ATP2B4: variants seen among roughly 807,000 people sequenced by gnomAD.
The protein encoded by ATP2B4 is ATPase plasma membrane Ca2+ transporting 4.
A neutral mutation model predicts 110.3 loss-of-function variants in ATP2B4; 39 were observed. The observed-to-expected ratio is 0.35, with a 90% CI of 0.27 to 0.46. ATP2B4 has a LOEUF of 0.46. ATP2B4 is among the 20% of genes least tolerant of loss of function. The pLI is 1.00. For missense variants in ATP2B4, 1,135 were observed against 1,530.9 expected (o/e 0.74, Z 4.32); for synonymous variants, 538 against 571.7 (o/e 0.94, Z 0.84).
Position 203,679,087 on chromosome 1 carries a change from A to G in ATP2B4, c.-464-3655A>G, listed in dbSNP as rs1212302254. Among the ~76,000 whole-genome samples, 6 of 151,974 alleles carry G rather than the reference A, an allele frequency of 3.9e-5. No homozygotes were observed. The East Asian group carries it at 1.2e-3, about 29-fold the overall frequency. On this transcript the variant is annotated intron_variant, in intron 1 of 20. Coordinates refer to ENST00000357681, the MANE Select transcript of ATP2B4 (RefSeq NM_001684.5). ...ATCTCTTAGGCTTGCAAAATATTAG[A>G]AAAGAGGAGGGAGCACATACCTTAC...
intron 1 of ATP2B4, among the ~76,000 whole-genome samples, chr1:203,650,438 G>GC (rs1409164899): frequency 6.6e-6 from 1 of 152,174 alleles, no homozygotes; most frequent in Non-Finnish European, 1.5e-5. Context: ...TGAGTCATCG[G>GC]CCCCCTCTGA....
intron 19 of ATP2B4, among the ~76,000 whole-genome samples, chr1:203,725,909 T>TTTTC (rs1666498658): frequency 2.2e-5 from 3 of 138,328 alleles, no homozygotes; most frequent in Non-Finnish European, 4.6e-5. Flanking sequence ...CTTTTCTTTT[T>TTTTC]TTTTTTTTTT....
At chr1:203,705,530 T>C (rs1020772736) in intron 8 of ATP2B4, among the ~76,000 whole-genome samples, 2 of 152,208 alleles carry the variant, frequency 1.3e-5, no homozygotes, top group East Asian at 3.9e-4. Context: ...GGATTACAGA[T>C]GTGCATCACC....
At position 203,652,594 on chromosome 1, in the gene ATP2B4, G is replaced by A. The variant is rs76218905; in HGVS notation, c.-465+25375G>A. Among the ~76,000 whole-genome samples the A allele has an allele frequency of 2.8e-3, 428 of 152,122 alleles. 1 individual carries two copies. Among genetic ancestry groups the A allele is most frequent in the African/African-American group, 9.8e-3 (406 of 41,494 alleles). On this transcript the variant is annotated intron_variant, in intron 1 of 20. Transcript: ENST00000357681. ...CCCTGTGTTGAGCAAGTCTGTTGAC[G>A]CCATTTTTCTATCAGCATGTGCTCA...
In ATP2B4 at chr1:203,707,272, G is replaced by T. The variant is rs750094348; in HGVS notation, c.1314+49G>T. ...CTTCCTTTAGGATAGAGATGGGAGA[G>T]AAGGGTACCATGTAACCTTTAGTGA... On this transcript the variant is annotated intron_variant, in intron 9 of 20. Transcript: ENST00000357681. 2.6e-6 allele frequency: 4 copies of T among 1,540,338 alleles called. No individual in the cohort carries two copies. In the South Asian group the frequency reaches 4.6e-5, roughly 18 times the overall value.
intron 1 of ATP2B4, among the ~76,000 whole-genome samples, chr1:203,654,307 A>G (rs1161478482): frequency 1.3e-5 from 2 of 152,120 alleles, no homozygotes; most frequent in Non-Finnish European, 2.9e-5. Context: ...TTTTAAGCCC[A>G]CTGTTGAAAC....
intron 15 of ATP2B4, among the ~76,000 whole-genome samples, 187 bp downstream of exon 15, chr1:203,714,464 G>C (rs1666103165): frequency 6.6e-6 from 1 of 152,126 alleles, no homozygotes. Flanking sequence ...CAAGTATGAA[G>C]AATAGATAAG....
chr1:203,628,901 G>A (rs975956368), intron 1 of ATP2B4, among the ~76,000 whole-genome samples: 2 of 152,150 alleles, frequency 1.3e-5, no homozygotes, highest in Admixed American at 1.3e-4. Flanking sequence ...CTCTGGGAGG[G>A]GCAGGAAGGA....
chr1:203,672,190 G>A (rs962974413), intron 1 of ATP2B4, among the ~76,000 whole-genome samples: 1 of 152,156 alleles, frequency 6.6e-6, no homozygotes, highest in Admixed American at 6.5e-5. Context: ...GGCCTGCATG[G>A]CCAGAGGCCG....
At position 203,683,244 on chromosome 1, in the gene ATP2B4, G is replaced by A. The variant is rs764586158; in HGVS notation, c.39G>A (p.Ser13=). 71 of 1,614,022 alleles carry A rather than the reference G, an allele frequency of 4.4e-5. No homozygotes were observed. In the Admixed American group the frequency reaches 1.1e-3, roughly 25 times the overall value. The change falls in exon 2 of 21, where the codon TCG becomes TCA. Residue 13 remains serine (S), a synonymous_variant. Transcript: ENST00000357681. ...NPSDRVLPAN[S]MAESREGDFG... is the part of the protein sequence containing the mutation. ...CAGACCGTGTCTTGCCTGCCAACTC[G>A]ATGGCCGAGAGCCGTGAAGGGGACT...
chr1:203,696,079 C>A (rs1665524120), intron 2 of ATP2B4, among the ~76,000 whole-genome samples: 1 of 152,144 alleles, frequency 6.6e-6, no homozygotes. Context: ...CATGCGCCAC[C>A]ACACCCAGCT....
intron 1 of ATP2B4, among the ~76,000 whole-genome samples, chr1:203,631,314 C>T (rs1048275633): frequency 3.3e-5 from 5 of 152,244 alleles, no homozygotes; most frequent in African/African-American, 9.6e-5. Context: ...CATTACTCAC[C>T]TCTGCTCTAG....
intron 20 of ATP2B4, among the ~76,000 whole-genome samples, chr1:203,737,780 G>A (rs1251763845): frequency 6.6e-6 from 1 of 152,196 alleles, no homozygotes; most frequent in Non-Finnish European, 1.5e-5. Flanking sequence ...GTGGCAAGGA[G>A]TCCTTTGCCT....
At chr1:203,638,049 C>T (rs894085386) in intron 1 of ATP2B4, among the ~76,000 whole-genome samples, 1 of 151,356 alleles carries the variant, frequency 6.6e-6, no homozygotes, top group East Asian at 1.9e-4. Flanking sequence ...TGGCAGGGCT[C>T]AACTGGAAAT....
intron 1 of ATP2B4, among the ~76,000 whole-genome samples, chr1:203,648,529 A>G (rs1044738096): frequency 6.6e-6 from 1 of 152,144 alleles, no homozygotes; most frequent in Non-Finnish European, 1.5e-5. Context: ...TGGAGGTTGT[A>G]CCAACTGACT....
intron 15 of ATP2B4, among the ~76,000 whole-genome samples, chr1:203,715,113 C>T (rs1486294574): frequency 1.3e-5 from 2 of 151,958 alleles, no homozygotes; most frequent in Non-Finnish European, 2.9e-5. Context: ...GTAATTTCAT[C>T]CTTAAAAATT....
At chr1:203,668,318 C>G (rs1448545275) in intron 1 of ATP2B4, among the ~76,000 whole-genome samples, 1 of 152,122 alleles carries the variant, frequency 6.6e-6, no homozygotes, top group African/African-American at 2.4e-5. Flanking sequence ...TCTGTCTAGT[C>G]TTCTGCCTCC....
chr1:203,727,327 T>C (rs1442636519), intron 19 of ATP2B4, 68 bp from the exon 20 acceptor site: 2 of 1,572,472 alleles, frequency 1.3e-6, no homozygotes, highest in Non-Finnish European at 1.7e-6. Flanking sequence ...GCCTGGCTCA[T>C]GTAAGTTGAC....
chr1:203,698,523 A>G (rs530676191), intron 3 of ATP2B4, among the ~76,000 whole-genome samples, 169 bp downstream of exon 3: 69 of 152,138 alleles, frequency 4.5e-4, no homozygotes, highest in African/African-American at 1.6e-3. Context: ...TATTCTTCCA[A>G]CTCATCCTTA....
Sources: gnomAD v4.1 joint callset for allele counts (sites outside exome capture counted in the v4.1 genomes callset) on GRCh38, gnomAD v4.1.1 for gene constraint, MANE v1.5 for transcripts, NCBI Gene and HGNC (gene_info 2026-07-23, HGNC 2026-07-21) for gene names.